The following FRMD4A variants were observed in gnomAD, a reference collection of about 807,000 sequenced individuals.
FRMD4A encodes FERM domain containing 4A.
Under a neutral mutation model 129.1 loss-of-function variants are expected in FRMD4A, and 29 were observed. The ratio of observed to expected loss-of-function variants is 0.22; its 90% CI spans 0.17 to 0.31. The LOEUF is 0.31. FRMD4A is among the 10% of genes least tolerant of loss of function. The pLI, the probability that FRMD4A is intolerant of heterozygous loss-of-function variation, is 1.00. For synonymous variants in FRMD4A, 634 were observed against 571.6 expected (o/e 1.11, Z -1.56); for missense variants, 1,272 against 1,375.8 (o/e 0.92, Z 1.19).
At chr10:13,673,949 G>A (rs1030401884) in intron 16 of FRMD4A, among the ~76,000 whole-genome samples, 2 of 151,400 alleles carry the variant, frequency 1.3e-5, no homozygotes, top group African/African-American at 4.9e-5. Context: ...CTATTTTTTT[G>A]TAGAGACAGG....
At chr10:13,999,089 C>A (rs2095632848) in intron 2 of FRMD4A, among the ~76,000 whole-genome samples, 1 of 152,106 alleles carries the variant, frequency 6.6e-6, no homozygotes, top group Admixed American at 6.6e-5. Context: ...CTGCCTCTGG[C>A]CTGTTGTACT....
At chr10:13,985,145 C>T (rs2095576418) in intron 2 of FRMD4A, among the ~76,000 whole-genome samples, 1 of 152,234 alleles carries the variant, frequency 6.6e-6, no homozygotes, top group South Asian at 2.1e-4. Context: ...ACCTTTCCTC[C>T]GTCTGCTTGG....
At chr10:13,983,834 T>A in intron 2 of FRMD4A, among the ~76,000 whole-genome samples, 1 of 143,252 alleles carries the variant, frequency 7.0e-6, no homozygotes. Flanking sequence ...ACCTCGTCTC[T>A]ACTAAAAAAA....
intron 2 of FRMD4A, among the ~76,000 whole-genome samples, chr10:14,082,002 A>G (rs757438516): frequency 3.4e-4 from 52 of 152,344 alleles, no homozygotes; most frequent in Non-Finnish European, 6.9e-4. Context: ...TAATCCCAGC[A>G]CTTTGGGAGG....
intron 2 of FRMD4A, among the ~76,000 whole-genome samples, chr10:13,913,366 T>C (rs911663709): frequency 2.6e-5 from 4 of 152,178 alleles, no homozygotes; most frequent in Admixed American, 1.3e-4. Flanking sequence ...ATTGGGGCAA[T>C]GGTTGCATGA....
At position 13,883,481 on chromosome 10, in the gene FRMD4A, G is replaced by A. The variant is rs148798361; in HGVS notation, c.46-24569C>T. On this transcript the variant is annotated intron_variant, in intron 2 of 24. Coordinates refer to ENST00000357447, the MANE Select transcript of FRMD4A (RefSeq NM_018027.5). ...CACTCCAGCCTGGGTGACAGGGTGA[G>A]ACTTTGTCTCAAAAAACAAACAAAC... 3.5e-4 allele frequency among the ~76,000 whole-genome samples: 54 copies of A among 152,132 alleles called. 2 individuals are homozygous for A. The East Asian group carries it at 9.7e-3, about 27-fold the overall frequency.
chr10:14,085,894 C>CATAT (rs1836241599), intron 2 of FRMD4A, among the ~76,000 whole-genome samples: 1 of 152,158 alleles, frequency 6.6e-6, no homozygotes, highest in African/African-American at 2.4e-5. Flanking sequence ...CTGCGGCAGG[C>CATAT]ATATATGGGT....
At chr10:14,120,339 A>G (rs1343615443) in intron 2 of FRMD4A, among the ~76,000 whole-genome samples, 1 of 151,862 alleles carries the variant, frequency 6.6e-6, no homozygotes. Flanking sequence ...TTCCTTCAGG[A>G]AGCCTTCCTT....
intron 2 of FRMD4A, among the ~76,000 whole-genome samples, chr10:14,140,046 A>G (rs9663251): frequency 0.55 from 83,967 of 151,976 alleles, 23,556 homozygotes; most frequent in East Asian, 0.77. Flanking sequence ...AGGAAAATGC[A>G]TTTTATTGTA....
At chr10:13,994,212 A>C in intron 2 of FRMD4A, among the ~76,000 whole-genome samples, 1 of 117,706 alleles carries the variant, frequency 8.5e-6, no homozygotes, top group East Asian at 2.3e-4. Flanking sequence ...AGACAGTCTC[A>C]TTCTGTCACC....
chr10:13,823,703 G>T (rs138624259), intron 3 of FRMD4A, among the ~76,000 whole-genome samples: 3 of 152,294 alleles, frequency 2.0e-5, no homozygotes, highest in African/African-American at 4.8e-5. Context: ...GCACTCACTG[G>T]GAGGTGAGGT....
At chr10:13,673,840 A>ATCACTGC (rs1046371972) in intron 16 of FRMD4A, among the ~76,000 whole-genome samples, 2 of 131,414 alleles carry the variant, frequency 1.5e-5, no homozygotes, top group South Asian at 2.4e-4. Context: ...CAATGGCGTG[A>ATCACTGC]TCACTGCTCA....
chr10:14,197,787 G>A (rs1842515786), intron 2 of FRMD4A, among the ~76,000 whole-genome samples: 1 of 152,168 alleles, frequency 6.6e-6, no homozygotes, highest in African/African-American at 2.4e-5. Flanking sequence ...TCGCACTAAT[G>A]CCTAGACGTT....
intron 2 of FRMD4A, among the ~76,000 whole-genome samples, chr10:14,155,397 C>T (rs1840546145): frequency 2.0e-5 from 3 of 152,186 alleles, no homozygotes; most frequent in African/African-American, 7.2e-5. Flanking sequence ...TTGATCCCAG[C>T]CCAGCACTGG....
intron 14 of FRMD4A, among the ~76,000 whole-genome samples, chr10:13,696,882 T>C (rs1296944954): frequency 6.6e-6 from 1 of 152,222 alleles, no homozygotes; most frequent in Non-Finnish European, 1.5e-5. Flanking sequence ...AGAGTTGTGA[T>C]AACTAAAGTA....
chr10:14,048,107 G>C (rs2131682236), intron 2 of FRMD4A, among the ~76,000 whole-genome samples: 1 of 152,310 alleles, frequency 6.6e-6, no homozygotes. Context: ...GAGAAGAAAG[G>C]GTGGAAATAA....
intron 2 of FRMD4A, among the ~76,000 whole-genome samples, chr10:13,919,991 G>T (rs1345370782): frequency 6.6e-6 from 1 of 151,958 alleles, no homozygotes; most frequent in African/African-American, 2.4e-5. Context: ...TTGCATGTGC[G>T]CCTGACCTAG....
At chr10:13,919,903 A>G (rs985809031) in intron 2 of FRMD4A, among the ~76,000 whole-genome samples, 1 of 152,202 alleles carries the variant, frequency 6.6e-6, no homozygotes, top group Non-Finnish European at 1.5e-5. Flanking sequence ...GCACCACTGC[A>G]CTCCAGCCTG....
At chr10:13,887,162 G>A (rs2131149770) in intron 2 of FRMD4A, among the ~76,000 whole-genome samples, 1 of 152,240 alleles carries the variant, frequency 6.6e-6, no homozygotes, top group East Asian at 1.9e-4. Context: ...TAATTATGCT[G>A]GTACATCTGT....
Sources: allele counts gnomAD v4.1 joint callset (sites outside exome capture counted in the v4.1 genomes callset), GRCh38; gene constraint gnomAD v4.1.1; transcripts MANE v1.5; gene names NCBI Gene and HGNC (gene_info 2026-07-23, HGNC 2026-07-21).